The following ZFR2 variants were observed in gnomAD, a reference collection of about 807,000 sequenced individuals.
ZFR2 encodes zinc finger RNA-binding protein 2.
Under a neutral mutation model 105.7 loss-of-function variants are expected in ZFR2, and 104 were observed. The ratio of observed to expected loss-of-function variants is 0.98; its 90% CI spans 0.84 to 1.16. ZFR2 has a LOEUF of 1.16. Ranked by LOEUF, ZFR2 falls within the 50% of genes most tolerant of loss-of-function variation. The pLI, the probability that ZFR2 is intolerant of heterozygous loss-of-function variation, is 0.00. For synonymous variants in ZFR2, 634 were observed against 597.7 expected, an observed-to-expected ratio of 1.06 and a Z score of -0.89; for missense variants, 1,425 against 1,355.5, an observed-to-expected ratio of 1.05 and a Z score of -0.80.
In ZFR2 at chr19:3,813,752, C is replaced by G. The variant is rs1302237856; in HGVS notation, c.2242+68G>C. ...GGCAGAGGCGGACGCTGCCCCAGGC[C>G]TGGGTGTGGGGAGCGCCCTGGGGAA... On this transcript the variant is annotated intron_variant, in intron 14 of 18. Transcript: ENST00000262961. This position sits in a 1 kb window ranked among gnomAD's most constrained non-coding sequence, Gnocchi z 4.4. 20 of 1,592,454 alleles carry G rather than the reference C, an allele frequency of 1.3e-5. 1 individual carries two copies. In the South Asian group the frequency reaches 1.9e-4, roughly 15 times the overall value.
In ZFR2 at chr19:3,859,460, C is replaced by G. The variant is rs559931379; in HGVS notation, c.53+9505G>C. ...GAGTCACTTCTCCTGGATAAGGTCCCTTTCATGGAGACCTCTATCCTGTGA... is the reference window on the plus strand; with the variant it reads ...GAGTCACTTCTCCTGGATAAGGTCCGTTTCATGGAGACCTCTATCCTGTGA... On this transcript the variant is annotated intron_variant, in intron 1 of 18. Transcript: ENST00000262961. Among the ~76,000 whole-genome samples, 4 of 152,314 alleles carry G rather than the reference C, an allele frequency of 2.6e-5. No homozygotes were observed. In the South Asian group the frequency reaches 8.3e-4, roughly 32 times the overall value.
chr19:3,839,032 C>T (rs1199598624), intron 1 of ZFR2, among the ~76,000 whole-genome samples: 1 of 152,146 alleles, frequency 6.6e-6, no homozygotes, highest in Non-Finnish European at 1.5e-5. Context: ...GACCAGAAAT[C>T]GGCAGCTCTA....
At position 3,821,424 on chromosome 19, in the gene ZFR2, T is replaced by C. The variant is rs759776024; in HGVS notation, c.1547A>G (p.Lys516Arg). The change falls in exon 10 of 19, where the codon AAG becomes AGG. Residue 516 changes from lysine to arginine, a missense_variant. Physicochemically the swap from Lys to Arg is conservative, Grantham distance 26. Transcript: ENST00000262961. ...IATEPSSRAR[K>R]VLEERMRKQR... ...CTTCCTCATGCGCTCCTCCAGGACC[T>C]TCCGAGCCCGGCTGCTGGGCTCCGT... The C allele has an allele frequency of 2.5e-6, 4 of 1,610,482 alleles. No homozygotes were observed. The African/African-American group carries it at 4.0e-5, about 16-fold the overall frequency.
chr19:3,830,786 C>T (rs2145157944), intron 5 of ZFR2, among the ~76,000 whole-genome samples: 1 of 152,284 alleles, frequency 6.6e-6, no homozygotes, highest in African/African-American at 2.4e-5. Context: ...GAATTGAGCC[C>T]ACGATCTCAG....
intron 1 of ZFR2, among the ~76,000 whole-genome samples, chr19:3,857,455 A>T (rs2038318882): frequency 6.6e-6 from 1 of 151,126 alleles, no homozygotes; most frequent in African/African-American, 2.4e-5. Flanking sequence ...CTGTGATCCC[A>T]GCACTTTGGG....
intron 3 of ZFR2, chr19:3,833,421 A>G (rs2038041239): frequency 5.4e-6 from 2 of 369,470 alleles, no homozygotes; most frequent in Admixed American, 3.7e-5. Flanking sequence ...CTAAAAATAC[A>G]AAAAATTAGC....
At chr19:3,836,421 C>T (rs2038076677) in intron 1 of ZFR2, among the ~76,000 whole-genome samples, 1 of 152,178 alleles carries the variant, frequency 6.6e-6, no homozygotes, top group African/African-American at 2.4e-5. Flanking sequence ...ACTTCCCAAG[C>T]TCAAGCAACC....
At chr19:3,841,780 G>A (rs748447722) in intron 1 of ZFR2, among the ~76,000 whole-genome samples, 13 of 151,800 alleles carry the variant, frequency 8.6e-5, no homozygotes, top group Non-Finnish European at 1.6e-4. Context: ...ACTCCAGCCT[G>A]GGCCACAGAG....
chr19:3,826,295 GGA>G (rs2037948892), intron 6 of ZFR2, among the ~76,000 whole-genome samples: 1 of 152,106 alleles, frequency 6.6e-6, no homozygotes, highest in Non-Finnish European at 1.5e-5. Flanking sequence ...GGCAGCTGGG[GGA>G]GAGAAGCCAG....
intron 10 of ZFR2, 112 bp from the exon 11 acceptor site, chr19:3,820,402 C>G (rs1482261988): frequency 9.9e-7 from 1 of 1,011,490 alleles, no homozygotes; most frequent in Non-Finnish European, 1.4e-6. Flanking sequence ...AGGGCCAAAG[C>G]TCTTGCTGGG....
intron 1 of ZFR2, among the ~76,000 whole-genome samples, chr19:3,865,844 C>CT (rs2038421192): frequency 6.6e-6 from 1 of 151,652 alleles, no homozygotes; most frequent in South Asian, 2.1e-4. Context: ...ACCATAGGTA[C>CT]TTTTTTGTTT....
intron 14 of ZFR2, among the ~76,000 whole-genome samples, chr19:3,812,607 C>T (rs557691664): frequency 5.9e-5 from 9 of 152,194 alleles, no homozygotes; most frequent in South Asian, 2.1e-4. Context: ...CCCCCACAAC[C>T]GCGCCACTCC....
chr19:3,854,633 A>G (rs2038277329), intron 1 of ZFR2, among the ~76,000 whole-genome samples: 1 of 152,228 alleles, frequency 6.6e-6, no homozygotes, highest in African/African-American at 2.4e-5. Context: ...TGGTTAGGGC[A>G]GGGGTCTTGA....
intron 1 of ZFR2, among the ~76,000 whole-genome samples, chr19:3,850,346 G>A (rs1327442100): frequency 8.6e-5 from 13 of 152,036 alleles, no homozygotes; most frequent in African/African-American, 2.2e-4. Context: ...GAGGGGTGAC[G>A]GGAGGCAGCT....
intron 18 of ZFR2, among the ~76,000 whole-genome samples, chr19:3,806,555 C>T (rs1219379622): frequency 6.6e-6 from 1 of 152,212 alleles, no homozygotes; most frequent in Non-Finnish European, 1.5e-5. Context: ...CCACCCGGCC[C>T]GGCCGACACC....
chr19:3,821,137 G>A lies in ZFR2; in HGVS notation c.1631+203C>T, dbSNP rs531466566. Among the ~76,000 whole-genome samples the A allele has an allele frequency of 5.3e-5, 8 of 152,220 alleles. No homozygotes were observed. In the South Asian group the frequency reaches 1.7e-3, roughly 32 times the overall value. On this transcript the variant is annotated intron_variant, in intron 10 of 18. Transcript: ENST00000262961. ...TGGAGCCCACGTGTCAGGTCCGCAC[G>A]CCACTGTGCCCTTGCCCGTCTGCTC...
intron 5 of ZFR2, among the ~76,000 whole-genome samples, chr19:3,828,179 C>G (rs2037974081): frequency 6.7e-6 from 1 of 149,638 alleles, no homozygotes; most frequent in South Asian, 2.1e-4. Context: ...GGGTCTCACT[C>G]TGTCACCCAG....
At position 3,833,651 on chromosome 19, in the gene ZFR2, G is replaced by T; in HGVS notation, c.379+13C>A. ...TCTCCTCGTTCCCAGCCCCGACCCT[G>T]CAGATGGCTCACCTGGCTGGCCGGA... On this transcript the variant is annotated intron_variant, in intron 3 of 18. Transcript: ENST00000262961. 1.9e-6 allele frequency: 3 copies of T among 1,546,222 alleles called. No individual in the cohort carries two copies. The highest frequency in any genetic ancestry group is 8.7e-7 in the Non-Finnish European group (1 of 1,144,346).
chr19:3,811,985 C>T (rs1432525363), intron 14 of ZFR2, among the ~76,000 whole-genome samples: 1 of 152,042 alleles, frequency 6.6e-6, no homozygotes, highest in Non-Finnish European at 1.5e-5. Context: ...ACTCTGTTGC[C>T]CAGGCTAGAA....
Sources: gnomAD v4.1 joint callset for allele counts (sites outside exome capture counted in the v4.1 genomes callset) on GRCh38, gnomAD v4.1.1 for gene constraint, Gnocchi (gnomAD v3.1) non-coding constraint, MANE v1.5 for transcripts, NCBI Gene and HGNC (gene_info 2026-07-23, HGNC 2026-07-21) for gene names.